The following CSTF3 variants were observed in gnomAD, a reference collection of about 807,000 sequenced individuals.
The protein encoded by CSTF3 is CF-1 77 kDa subunit.
A neutral mutation model predicts 105.8 loss-of-function variants in CSTF3; 29 were observed. The observed-to-expected ratio is 0.27, with a 90% CI of 0.20 to 0.37. The LOEUF is 0.37. Among genes scored for constraint, CSTF3 ranks in the 10% least tolerant of loss-of-function variants. The probability of loss-of-function intolerance (pLI) is 1.00; values close to 1 mark genes in which losing one functional copy is unlikely to be tolerated. For missense variants in CSTF3, 357 were observed against 879.3 expected (o/e 0.41, Z 7.51); for synonymous variants, 252 against 281.9 (o/e 0.89, Z 1.06).
At chr11:33,132,034 T>C (rs1855605164) in intron 3 of CSTF3, among the ~76,000 whole-genome samples, 4 of 152,116 alleles carry the variant, frequency 2.6e-5, no homozygotes, top group Admixed American at 1.3e-4. Flanking sequence ...TTCAAATTTG[T>C]TTGAAAATTT....
At chr11:33,153,215 A>G (rs946902954) in intron 1 of CSTF3, among the ~76,000 whole-genome samples, 2 of 152,164 alleles carry the variant, frequency 1.3e-5, no homozygotes, top group African/African-American at 4.8e-5. Flanking sequence ...AATCTGTTAC[A>G]ATATATTGTT....
chr11:33,116,075 T>G (rs1001391303), intron 3 of CSTF3, among the ~76,000 whole-genome samples: 3 of 152,232 alleles, frequency 2.0e-5, no homozygotes, highest in African/African-American at 7.2e-5. Flanking sequence ...GTGTAAATTA[T>G]AGACCACTGT....
chr11:33,085,969 G>T lies in CSTF3; in HGVS notation c.1816C>A (p.Pro606Thr). Residue 606 changes from proline (P) to threonine (T), a missense_variant, in exon 19 of 21, where the codon CCT (proline) becomes ACT (threonine). This residue lies in a region of CSTF3 where 206 missense variants were observed against 576.5 expected (regional missense o/e 0.36). Transcript: ENST00000323959. ...HLAPPGLHPV[P>T]GGVFPVPPAA... ...GGAGGGACTGGGAACACTCCACCAG[G>T]TACAGGGTGTAAACCTGGAGCTGTG... The T allele has an allele frequency of 6.6e-7, 1 of 1,516,726 alleles. No individual in the cohort carries two copies. The highest frequency in any genetic ancestry group is 8.8e-7 in the Non-Finnish European group (1 of 1,136,670). 94.0% of individuals were successfully genotyped at this position (1,516,726 alleles called of 1,614,324 possible).
rs1233436113 is a variant in CSTF3, at chr11:33,100,706, AG to A, written c.827-990del. ...GGACTTAACATAGTTTAGGGACTCA[AG>A]AAAGGCTTCACTAAGGAACTGACAT... On this transcript the variant is annotated intron_variant, in intron 10 of 20. Coordinates refer to ENST00000323959, the MANE Select transcript of CSTF3 (RefSeq NM_001326.3). Among the ~76,000 whole-genome samples the A allele has an allele frequency of 2.0e-5, 3 of 152,242 alleles. No individual in the cohort carries two copies. In the East Asian group the frequency reaches 5.8e-4, roughly 29 times the overall value.
chr11:33,123,419 A>G (rs1048255094), intron 3 of CSTF3, among the ~76,000 whole-genome samples: 1 of 152,152 alleles, frequency 6.6e-6, no homozygotes, highest in Non-Finnish European at 1.5e-5. Context: ...ATGGGATTTA[A>G]AACTATGACA....
chr11:33,137,478 A>G (rs973383674), intron 3 of CSTF3, among the ~76,000 whole-genome samples: 1 of 151,838 alleles, frequency 6.6e-6, no homozygotes. Flanking sequence ...ATGGAATCAG[A>G]TAATTCAATA....
intron 8 of CSTF3, among the ~76,000 whole-genome samples, chr11:33,104,490 G>C (rs1006862177): frequency 6.6e-6 from 1 of 152,122 alleles, no homozygotes; most frequent in African/African-American, 2.4e-5. Flanking sequence ...TACAGTTTTT[G>C]GCCAGGCATG....
chr11:33,161,185 G>T, intron 1 of CSTF3, 114 bp downstream of exon 1: 1 of 1,113,990 alleles, frequency 9.0e-7, no homozygotes, highest in Non-Finnish European at 1.3e-6. Flanking sequence ...TATATACCCT[G>T]TCCCCCGGGT....
intron 3 of CSTF3, among the ~76,000 whole-genome samples, chr11:33,116,169 A>C (rs570599901): frequency 6.6e-6 from 1 of 152,198 alleles, no homozygotes; most frequent in Admixed American, 6.5e-5. Flanking sequence ...ATTTAGTTTC[A>C]TTTTAATTCC....
chr11:33,090,900 T>C (rs1359022084), intron 16 of CSTF3, among the ~76,000 whole-genome samples, 173 bp from the exon 17 acceptor site: 2 of 152,242 alleles, frequency 1.3e-5, no homozygotes, highest in African/African-American at 4.8e-5. Context: ...AATACCTATA[T>C]ACCACTACCT....
chr11:33,157,132 CACTTGAGGTCAGG>C (rs1849877140), intron 1 of CSTF3, among the ~76,000 whole-genome samples: 2 of 152,058 alleles, frequency 1.3e-5, no homozygotes, highest in Admixed American at 6.6e-5. Context: ...GCAGGCAGAT[CACTTGAGGTCAGG>C]AGTTCAAGAC....
Position 33,099,803 on chromosome 11 carries a change from G to T in CSTF3, c.827-86C>A. The T allele has an allele frequency of 2.5e-6, 2 of 789,374 alleles. No homozygotes were observed. Among genetic ancestry groups the T allele is most frequent in the Non-Finnish European group, 3.8e-6 (2 of 528,574 alleles). The allele number at this position is 789,374 out of a possible 1,614,324, so 48.9% of individuals were successfully genotyped here. A position where few individuals can be genotyped will look rare whatever the true frequency, so the allele number is the denominator to read the frequency against. ...AATGTAAATATCATAACCAAATTAG[G>T]CTCCTCAAAAATTAATGATAATTAG... On this transcript the variant is annotated intron_variant, in intron 10 of 20. Coordinates refer to ENST00000323959, the MANE Select transcript of CSTF3 (RefSeq NM_001326.3). This position sits in a 1 kb window ranked among gnomAD's most constrained non-coding sequence, Gnocchi z 4.1.
At chr11:33,112,391 A>G (rs933595508) in intron 3 of CSTF3, among the ~76,000 whole-genome samples, 2 of 152,218 alleles carry the variant, frequency 1.3e-5, no homozygotes, top group African/African-American at 4.8e-5. Context: ...TGGGAATGAT[A>G]ATAACATCCA....
At chr11:33,112,188 A>T (rs1855386083) in intron 3 of CSTF3, among the ~76,000 whole-genome samples, 1 of 151,996 alleles carries the variant, frequency 6.6e-6, no homozygotes, top group Non-Finnish European at 1.5e-5. Context: ...CAGGAAGTGG[A>T]TGTTGCAGTG....
rs1252725919 is a variant in CSTF3 at position 33,141,781 on chromosome 11, A to G, written c.130-19T>C. 5.0e-6 allele frequency: 8 copies of G among 1,585,796 alleles called. No homozygotes were observed. Among genetic ancestry groups the G allele is most frequent in the Non-Finnish European group, 6.8e-6 (8 of 1,171,796 alleles). On this transcript the variant is annotated intron_variant, in intron 2 of 20. Transcript: ENST00000323959. Reference sequence around the variant, plus strand: ...GTTGATTCTAAAATTGAAAACCAATAAACAGCATTTACAATGTTAGGATTA... The same window carrying G: ...GTTGATTCTAAAATTGAAAACCAATGAACAGCATTTACAATGTTAGGATTA...
At chr11:33,145,619 C>G (rs1287003519) in intron 1 of CSTF3, among the ~76,000 whole-genome samples, 2 of 152,012 alleles carry the variant, frequency 1.3e-5, no homozygotes, top group Non-Finnish European at 2.9e-5. Context: ...AGAAACCATC[C>G]TGGCTAACAG....
intron 1 of CSTF3, among the ~76,000 whole-genome samples, chr11:33,152,913 G>A (rs1210814212): frequency 1.3e-5 from 2 of 151,254 alleles, no homozygotes; most frequent in African/African-American, 2.4e-5. Flanking sequence ...AGCTGGGATC[G>A]CACCACTGCA....
At chr11:33,114,741 C>T (rs1186423835) in intron 3 of CSTF3, among the ~76,000 whole-genome samples, 1 of 152,004 alleles carries the variant, frequency 6.6e-6, no homozygotes, top group East Asian at 1.9e-4. Flanking sequence ...ATCCCAGCTA[C>T]TTGGGAGGCT....
chr11:33,105,541 T>C (rs769173126), intron 8 of CSTF3, 26 bp downstream of exon 8: 2 of 1,583,218 alleles, frequency 1.3e-6, no homozygotes, highest in East Asian at 4.5e-5. Context: ...TGGTTTATAA[T>C]AAACAACTAC....
Sources: gnomAD v4.1 joint callset for allele counts (sites outside exome capture counted in the v4.1 genomes callset) on GRCh38, gnomAD v4.1.1 for gene constraint, gnomAD v4.1.1 regional missense constraint, Gnocchi (gnomAD v3.1) non-coding constraint, MANE v1.5 for transcripts, NCBI Gene and HGNC (gene_info 2026-07-23, HGNC 2026-07-21) for gene names.